The following KLHL13 variants were observed in gnomAD, a reference collection of about 807,000 sequenced individuals.
The protein encoded by KLHL13 is kelch-like protein 13.
Under a neutral mutation model 37.1 loss-of-function variants are expected in KLHL13, and 10 were observed. The ratio of observed to expected loss-of-function variants is 0.27; its 90% CI spans 0.17 to 0.46. The LOEUF (loss-of-function observed/expected upper bound fraction) is 0.46. KLHL13 is among the 20% of genes least tolerant of loss of function. The pLI is 1.00. For synonymous variants in KLHL13, 163 were observed against 181.2 expected (o/e 0.90, Z 0.81); for missense variants, 360 against 509.3 (o/e 0.71, Z 2.82).
intron 1 of KLHL13, among the ~76,000 whole-genome samples, chrX:118,095,407 T>C (rs1203466001): frequency 9.0e-6 from 1 of 111,196 alleles, no homozygotes; most frequent in Non-Finnish European, 1.9e-5. Flanking sequence ...CTGAGTGACC[T>C]ACAAAGAGAC....
rs750687005 is a variant in KLHL13 at position 117,899,088 on chromosome X, A to T, written c.1788T>A (p.Ser596=). 4 of 1,211,312 alleles carry T rather than the reference A, an allele frequency of 3.3e-6. No homozygotes were observed. The South Asian group carries it at 5.3e-5, about 16-fold the overall frequency. Residue 596 remains serine, a synonymous_variant, in exon 7 of 7, where the codon TCT becomes TCA. Coordinates refer to ENST00000262820, the Ensembl canonical transcript of KLHL13. ...TCTCTACCATACAACGATTATTCCA[A>T]GAATACCCCCCAACCACATAGATTT...
chrX:117,966,662 C>G (rs1478805266), intron 1 of KLHL13, among the ~76,000 whole-genome samples: 57 of 111,188 alleles, frequency 5.1e-4, no homozygotes, highest in Non-Finnish European at 8.7e-4. Context: ...TCAAACTATA[C>G]TACAAGGCTA....
chrX:118,007,020 A>G (rs2053991712), intron 1 of KLHL13, among the ~76,000 whole-genome samples: 1 of 111,476 alleles, frequency 9.0e-6, no homozygotes. Context: ...TAGAGGCCTT[A>G]TTAGACTTAG....
At chrX:118,056,130 G>A (rs1241595179) in intron 1 of KLHL13, among the ~76,000 whole-genome samples, 1 of 111,533 alleles carries the variant, frequency 9.0e-6, no homozygotes, top group Non-Finnish European at 1.9e-5. Context: ...AAAGTTGCAG[G>A]ATACAAGATC....
chrX:118,023,188 A>G (rs1339350564), intron 1 of KLHL13, among the ~76,000 whole-genome samples: 1 of 111,679 alleles, frequency 9.0e-6, no homozygotes, highest in Non-Finnish European at 1.9e-5. Flanking sequence ...CTTTACTGAC[A>G]TTGGACAGAA....
At position 118,058,948 on chromosome X, in the gene KLHL13, G is replaced by A. The variant is rs149076607; in HGVS notation, c.-56+57560C>T. ...ATGCACATTCATGTTAGTAACTGAC[G>A]CACACCTTAGTCCTTCATGTACAAT... is the stretch of plus-strand genomic sequence containing the variant. On this transcript the variant is annotated intron_variant, in intron 1 of 6. Coordinates refer to the KLHL13 transcript ENST00000371882. 1.5e-3 allele frequency among the ~76,000 whole-genome samples: 168 copies of A among 111,685 alleles called. 2 individuals are homozygous for A. The highest frequency in any genetic ancestry group is 5.3e-3 in the African/African-American group (163 of 30,797).
chrX:118,103,894 T>C (rs1467470553), intron 1 of KLHL13, among the ~76,000 whole-genome samples: 1 of 109,305 alleles, frequency 9.1e-6, no homozygotes, highest in Non-Finnish European at 1.9e-5. Flanking sequence ...TATCTGTACA[T>C]AGTATCATGG....
chrX:118,069,727 G>C (rs1171682042), intron 1 of KLHL13, among the ~76,000 whole-genome samples: 1 of 111,491 alleles, frequency 9.0e-6, no homozygotes, highest in Non-Finnish European at 1.9e-5. Flanking sequence ...ATTAAAAAGT[G>C]TACAAAGTAA....
intron 2 of KLHL13, among the ~76,000 whole-genome samples, chrX:117,924,785 T>G (rs770189735): frequency 9.0e-6 from 1 of 111,415 alleles, no homozygotes; most frequent in South Asian, 3.8e-4. Context: ...TTCCCTTTCT[T>G]CTTCTATAAA....
At chrX:118,040,097 C>G (rs1031626438) in intron 1 of KLHL13, among the ~76,000 whole-genome samples, 1 of 111,278 alleles carries the variant, frequency 9.0e-6, no homozygotes, top group African/African-American at 3.3e-5. Flanking sequence ...ATCACAACAC[C>G]CATGTCCCTT....
At chrX:117,951,289 A>G (rs769896134) in intron 1 of KLHL13, among the ~76,000 whole-genome samples, 5 of 112,156 alleles carry the variant, frequency 4.5e-5, no homozygotes, top group Admixed American at 9.5e-5. Flanking sequence ...AAATATTGAA[A>G]GATTTGTCCC....
intron 1 of KLHL13, among the ~76,000 whole-genome samples, chrX:117,990,468 T>C (rs1226294535): frequency 8.9e-6 from 1 of 111,850 alleles, no homozygotes; most frequent in Admixed American, 9.4e-5. Context: ...AAACAATATC[T>C]CCTAAAAGCA....
chrX:118,071,232 T>C (rs1470927936), intron 1 of KLHL13, among the ~76,000 whole-genome samples: 1 of 111,832 alleles, frequency 8.9e-6, no homozygotes, highest in Non-Finnish European at 1.9e-5. Context: ...TGCATGTGTC[T>C]TTATAGCGGC....
intron 1 of KLHL13, among the ~76,000 whole-genome samples, chrX:118,010,924 T>C (rs1386669684): frequency 9.3e-6 from 1 of 107,832 alleles, no homozygotes; most frequent in Non-Finnish European, 1.9e-5. Context: ...AATACAAAAA[T>C]TAGCCAGGCA....
At chrX:118,015,757 AAG>A (rs2054121187) in intron 1 of KLHL13, among the ~76,000 whole-genome samples, 1 of 111,825 alleles carries the variant, frequency 8.9e-6, no homozygotes, top group Non-Finnish European at 1.9e-5. Context: ...CGTCTACCAT[AAG>A]ATCTTATGAC....
chrX:117,909,457 C>T (rs776388171), exon 5 of KLHL13: 1 of 1,211,480 alleles, frequency 8.3e-7, no homozygotes, highest in East Asian at 3.0e-5. Flanking sequence ...GCCGTTTTTC[C>T]TTTTGTATCA....
intron 2 of KLHL13, among the ~76,000 whole-genome samples, chrX:117,927,063 G>A (rs768435254): frequency 2.3e-4 from 25 of 108,028 alleles, no homozygotes; most frequent in African/African-American, 8.4e-4. Flanking sequence ...ATGCCGCCAC[G>A]CCCGGCTAAT....
chrX:117,977,827 C>T (rs1158824621), upstream of KLHL13, among the ~76,000 whole-genome samples: 1 of 112,197 alleles, frequency 8.9e-6, no homozygotes, highest in Non-Finnish European at 1.9e-5. Flanking sequence ...ATTCTTGATA[C>T]ATTAAGGGTT....
chrX:118,023,516 A>G (rs2054243024), intron 1 of KLHL13, among the ~76,000 whole-genome samples: 1 of 111,962 alleles, frequency 8.9e-6, no homozygotes, highest in South Asian at 3.7e-4. Context: ...ATCTTAAACC[A>G]TTCTCATGCT....
Sources: allele counts gnomAD v4.1 joint callset (sites outside exome capture counted in the v4.1 genomes callset), GRCh38; gene constraint gnomAD v4.1.1; transcripts MANE v1.5; gene names NCBI Gene and HGNC (gene_info 2026-07-23, HGNC 2026-07-21).